RAB17: variants seen among roughly 807,000 people sequenced by gnomAD.
The protein encoded by RAB17 is RAB17, member RAS oncogene family.
In RAB17, 15 loss-of-function variants were observed where a neutral mutation model predicts 19.3. The observed-to-expected ratio is 0.78, with a 90% CI of 0.52 to 1.20. RAB17 has a LOEUF of 1.20. Ranked by LOEUF, RAB17 falls within the 50% of genes most tolerant of loss-of-function variation. RAB17 has a pLI of 0.00. For synonymous variants in RAB17, 110 were observed against 112.8 expected (o/e 0.97, Z 0.16); for missense variants, 262 against 269.3 (o/e 0.97, Z 0.19).
At chr2:237,579,169 A>T (rs1302428180) in intron 2 of RAB17, 1 of 152,250 alleles carries the variant, frequency 6.6e-6, no homozygotes, top group East Asian at 1.9e-4. Flanking sequence ...CAGCACCGAC[A>T]GGCTCCTGTC....
At position 237,584,395 on chromosome 2, in the gene RAB17, T is replaced by C. The variant is rs971041528; in HGVS notation, c.157+1603A>G. On this transcript the variant is annotated intron_variant, in intron 2 of 5. Coordinates refer to ENST00000264601, the MANE Select transcript of RAB17 (RefSeq NM_022449.4). Reference sequence around the variant, plus strand: ...CTGCTAGGGTGGCGTCATGGAGTCCTTCTGTAAAAGGCCCTGTAGCAGATA... The same window carrying C: ...CTGCTAGGGTGGCGTCATGGAGTCCCTCTGTAAAAGGCCCTGTAGCAGATA... Among the ~76,000 whole-genome samples the C allele has an allele frequency of 1.5e-4, 23 of 152,242 alleles. 1 individual carries two copies. The East Asian group carries it at 4.5e-3, about 29-fold the overall frequency.
intron 1 of RAB17, 131 bp downstream of exon 1, chr2:237,590,336 A>C (rs996983949): frequency 1.3e-5 from 2 of 152,196 alleles, no homozygotes; most frequent in African/African-American, 2.4e-5. Flanking sequence ...GACACAAACA[A>C]ATACAGACAT....
intron 2 of RAB17, among the ~76,000 whole-genome samples, chr2:237,581,452 A>G (rs748933102): frequency 3.3e-5 from 5 of 151,652 alleles, no homozygotes; most frequent in Admixed American, 6.6e-5. Flanking sequence ...ACACGGTTTC[A>G]CCATGTTGCC....
chr2:237,575,628 A>G, intron 4 of RAB17, 148 bp from the exon 5 acceptor site: 1 of 621,472 alleles, frequency 1.6e-6, no homozygotes, highest in Non-Finnish European at 2.9e-6. Flanking sequence ...GTTTCTTGGC[A>G]CTCCTGAGCA....
At chr2:237,586,663 T>C (rs2081352490) in intron 1 of RAB17, among the ~76,000 whole-genome samples, 1 of 152,228 alleles carries the variant, frequency 6.6e-6, no homozygotes, top group South Asian at 2.1e-4. Flanking sequence ...ATTCCCATTG[T>C]GTCTAAAGCC....
chr2:237,579,004 T>G (rs1325316431), intron 2 of RAB17: 1 of 152,148 alleles, frequency 6.6e-6, no homozygotes, highest in Non-Finnish European at 1.5e-5. Flanking sequence ...TTTCTACCCT[T>G]TGCTTTCCAA....
rs1230034615 is a variant in RAB17 at position 237,575,019 on chromosome 2, C to G, written c.639G>C (p.Ter213TyrextTer36). 1 of 1,608,064 alleles carries G rather than the reference C, an allele frequency of 6.2e-7. No individual in the cohort carries two copies. The highest frequency in any genetic ancestry group is 8.5e-7 in the Non-Finnish European group (1 of 1,176,692). The change falls in exon 6 of 6, where the codon TAG becomes TAC. Residue 213 changes from the stop codon to tyrosine (Y), a stop_lost. Transcript: ENST00000264601. ...CCACAGCCCCCAGGAGTGGCTGCAC[C>G]TAGTGGGCGCAGCATTTGGCCTGCC... is the stretch of plus-strand genomic sequence containing the variant. ...PARQAKCCAH[*>Y]
intron 5 of RAB17, 113 bp downstream of exon 5, chr2:237,575,274 T>A: frequency 9.5e-7 from 1 of 1,048,874 alleles, no homozygotes; most frequent in Admixed American, 2.2e-5. Context: ...CTGGTCACCA[T>A]CCAGTCCCTA....
intron 2 of RAB17, chr2:237,585,429 T>C (rs1386928744): frequency 5.9e-6 from 1 of 169,290 alleles, no homozygotes; most frequent in Non-Finnish European, 1.5e-5. Context: ...ATACAGTTAC[T>C]CCTGAGCTTC....
intron 1 of RAB17, among the ~76,000 whole-genome samples, chr2:237,589,773 T>G (rs951115447): frequency 1.3e-5 from 2 of 152,192 alleles, no homozygotes; most frequent in Non-Finnish European, 2.9e-5. Context: ...GACTGGCGCT[T>G]CTCTAGTAAT....
intron 5 of RAB17, 120 bp from the exon 6 acceptor site, chr2:237,575,248 G>T (rs1227432384): frequency 9.7e-7 from 1 of 1,030,448 alleles, no homozygotes; most frequent in Non-Finnish European, 1.4e-6. Flanking sequence ...CATAGAACAA[G>T]GGCCTCCTGC....
chr2:237,581,836 C>A (rs970202278), intron 2 of RAB17, among the ~76,000 whole-genome samples: 13 of 152,256 alleles, frequency 8.5e-5, no homozygotes, highest in African/African-American at 2.4e-4. Context: ...AAAAGCCCAA[C>A]AAGTCTGGGG....
chr2:237,577,231 G>T, intron 4 of RAB17, 26 bp downstream of exon 4: 1 of 1,598,774 alleles, frequency 6.3e-7, no homozygotes, highest in Non-Finnish European at 8.5e-7. Flanking sequence ...CTGTGGAAGA[G>T]CAGAGCAGGG....
At chr2:237,582,450 G>A (rs563036625) in intron 2 of RAB17, among the ~76,000 whole-genome samples, 8 of 152,332 alleles carry the variant, frequency 5.3e-5, no homozygotes, top group East Asian at 3.9e-4. Context: ...TTACACTCCC[G>A]TTTCACAGGG....
chr2:237,578,604 C>T (rs559885656), intron 2 of RAB17: 25 of 159,872 alleles, frequency 1.6e-4, no homozygotes, highest in Non-Finnish European at 3.3e-4. Context: ...ATTGCATAGG[C>T]TCCTCCAAGG....
chr2:237,581,771 G>A (rs1245339007), intron 2 of RAB17, among the ~76,000 whole-genome samples: 1 of 152,236 alleles, frequency 6.6e-6, no homozygotes, highest in Non-Finnish European at 1.5e-5. Context: ...AGGGAAGTCA[G>A]CTGGTGCCAA....
At chr2:237,575,679 G>T in intron 4 of RAB17, 199 bp from the exon 5 acceptor site, 2 of 541,332 alleles carry the variant, frequency 3.7e-6, no homozygotes, top group East Asian at 3.0e-5. Context: ...CCTGGAAGAG[G>T]CTCTTCCTCT....
intron 2 of RAB17, among the ~76,000 whole-genome samples, chr2:237,580,731 G>A (rs1309596406): frequency 6.6e-6 from 1 of 150,490 alleles, no homozygotes; most frequent in Non-Finnish European, 1.5e-5. Context: ...AGGAGACAGA[G>A]TGAGACTCTG....
Position 237,575,060 on chromosome 2 carries a change from T to TGCCC in RAB17, c.597_598insGGGC (p.Asn200GlyfsTer36), listed in dbSNP as rs1297066498. The TGCCC allele has an allele frequency of 1.2e-6, 2 of 1,613,702 alleles. No homozygotes were observed. Among genetic ancestry groups the TGCCC allele is most frequent in the Non-Finnish European group, 1.7e-6 (2 of 1,179,858 alleles). ...TTGGCCTGCCTCGCGGGCCCCTTGT[T>TGCCC]CAGAGCCACAGCTGCATCCCCCCGT... On this transcript the variant is annotated frameshift_variant, in exon 6 of 6. Coordinates refer to ENST00000264601, the MANE Select transcript of RAB17 (RefSeq NM_022449.4). LOFTEE classifies it low-confidence loss of function (END_TRUNC).
Sources: allele counts gnomAD v4.1 joint callset (sites outside exome capture counted in the v4.1 genomes callset), GRCh38; gene constraint gnomAD v4.1.1; transcripts MANE v1.5; gene names NCBI Gene and HGNC (gene_info 2026-07-23, HGNC 2026-07-21).